The following ADCY2 variants were observed in gnomAD, a reference collection of about 807,000 sequenced individuals.
The protein encoded by ADCY2 is adenylate cyclase 2.
ADCY2 carries 31 observed loss-of-function variants against 125.2 expected under a neutral mutation model. The observed-to-expected ratio is 0.25, with a 90% CI of 0.19 to 0.33. ADCY2 has a LOEUF of 0.33. Ranked by LOEUF, ADCY2 falls within the 10% of genes least tolerant of loss-of-function variation. The probability of loss-of-function intolerance (pLI) is 1.00; values close to 1 mark genes in which losing one functional copy is unlikely to be tolerated. For missense variants in ADCY2, 904 were observed against 1,418.2 expected, an observed-to-expected ratio of 0.64 and a Z score of 5.82; for synonymous variants, 512 against 548.4, an observed-to-expected ratio of 0.93 and a Z score of 0.93.
Position 7,698,240 on chromosome 5 carries a change from C to G in ADCY2, c.982-7C>G, listed in dbSNP as rs900050321. The G allele has an allele frequency of 1.9e-5, 30 of 1,613,718 alleles. No individual in the cohort carries two copies. Among genetic ancestry groups the G allele is most frequent in the Non-Finnish European group, 2.5e-5 (29 of 1,179,896 alleles). ...TGCAACTGAAATTCTGTAATTTATTCTTCCAGGAGAATGAATGCATGAGAA... is the reference window on the plus strand; with the variant it reads ...TGCAACTGAAATTCTGTAATTTATTGTTCCAGGAGAATGAATGCATGAGAA... On this transcript the variant is annotated splice_polypyrimidine_tract_variant and splice_region_variant and intron_variant, in intron 6 of 24. Transcript: ENST00000338316.
intron 3 of ADCY2, among the ~76,000 whole-genome samples, chr5:7,563,135 A>T (rs981224413): frequency 1.3e-5 from 2 of 152,158 alleles, no homozygotes; most frequent in African/African-American, 4.8e-5. Context: ...ATTTATTTTT[A>T]AGAAAGTAGA....
chr5:7,626,992 G>A (rs1290992938), intron 4 of ADCY2, among the ~76,000 whole-genome samples: 1 of 152,200 alleles, frequency 6.6e-6, no homozygotes, highest in African/African-American at 2.4e-5. Context: ...TCAACAAGTG[G>A]CTGGGGAAGT....
intron 2 of ADCY2, among the ~76,000 whole-genome samples, chr5:7,460,696 T>A (rs886564252): frequency 2.6e-5 from 4 of 152,156 alleles, no homozygotes. Context: ...TGTCTTAATT[T>A]TTTTTTTGTG....
At chr5:7,704,696 G>A (rs929755948) in intron 7 of ADCY2, among the ~76,000 whole-genome samples, 1 of 152,036 alleles carries the variant, frequency 6.6e-6, no homozygotes, top group African/African-American at 2.4e-5. Context: ...TAGCTGACAC[G>A]CTGAAACCCC....
At chr5:7,561,018 G>C (rs112851032) in intron 3 of ADCY2, among the ~76,000 whole-genome samples, 1 of 152,116 alleles carries the variant, frequency 6.6e-6, no homozygotes, top group Non-Finnish European at 1.5e-5. Flanking sequence ...AAATATGTTC[G>C]TAGTTTGTTT....
chr5:7,620,791 T>TTA (rs1293949850), intron 3 of ADCY2, among the ~76,000 whole-genome samples: 10 of 152,224 alleles, frequency 6.6e-5, no homozygotes. Context: ...TTCCTTTGAC[T>TTA]TATAATTGGT....
intron 2 of ADCY2, among the ~76,000 whole-genome samples, chr5:7,502,548 G>A (rs1412327113): frequency 1.3e-5 from 2 of 152,228 alleles, no homozygotes; most frequent in East Asian, 1.9e-4. Flanking sequence ...TCTTGGCCCT[G>A]ATGGCCGATG....
chr5:7,570,308 A>G (rs1169619992), intron 3 of ADCY2, among the ~76,000 whole-genome samples: 1 of 152,168 alleles, frequency 6.6e-6, no homozygotes, highest in Non-Finnish European at 1.5e-5. Flanking sequence ...TATCATCATG[A>G]GAAACTTAAA....
chr5:7,650,707 G>GAA (rs758042770), intron 4 of ADCY2, among the ~76,000 whole-genome samples: 4 of 152,146 alleles, frequency 2.6e-5, no homozygotes, highest in Non-Finnish European at 5.9e-5. Context: ...GACAGAGTGT[G>GAA]AACTGTGATT....
At chr5:7,730,584 C>T (rs754911388) in intron 14 of ADCY2, among the ~76,000 whole-genome samples, 5 of 152,036 alleles carry the variant, frequency 3.3e-5, no homozygotes, top group Non-Finnish European at 7.4e-5. Flanking sequence ...GTAACAATAG[C>T]TGCCTTTTTT....
chr5:7,801,043 G>C (rs1347688400), intron 20 of ADCY2: 2 of 151,964 alleles, frequency 1.3e-5, no homozygotes, highest in African/African-American at 4.9e-5. Flanking sequence ...CTGGTCCTGA[G>C]AACCAGAAAA....
intron 16 of ADCY2, among the ~76,000 whole-genome samples, chr5:7,760,112 G>T (rs927372136): frequency 6.6e-6 from 1 of 152,262 alleles, no homozygotes; most frequent in East Asian, 1.9e-4. Context: ...GATACTGCAA[G>T]GATGTGAAGA....
intron 3 of ADCY2, among the ~76,000 whole-genome samples, chr5:7,581,023 A>T (rs972289333): frequency 1.3e-5 from 2 of 152,222 alleles, no homozygotes; most frequent in African/African-American, 4.8e-5. Context: ...AATGAACAGT[A>T]ACTAAGAGCA....
intron 4 of ADCY2, among the ~76,000 whole-genome samples, chr5:7,656,580 G>A (rs1190615146): frequency 4.6e-5 from 7 of 152,214 alleles, no homozygotes; most frequent in African/African-American, 1.7e-4. Flanking sequence ...GGGGCCCTGA[G>A]GGCCTTCCTC....
At chr5:7,773,449 G>T (rs1743620294) in intron 18 of ADCY2, among the ~76,000 whole-genome samples, 1 of 152,086 alleles carries the variant, frequency 6.6e-6, no homozygotes, top group Admixed American at 6.6e-5. Context: ...TGCGTGGTAG[G>T]TAGGGTGTTT....
intron 2 of ADCY2, among the ~76,000 whole-genome samples, chr5:7,493,389 CA>C (rs761619607): frequency 7.9e-5 from 12 of 151,268 alleles, no homozygotes; most frequent in Non-Finnish European, 1.5e-4. Flanking sequence ...AAGAAGAGGA[CA>C]GGGGAGTGAA....
chr5:7,600,230 C>T (rs2126634554), intron 3 of ADCY2, among the ~76,000 whole-genome samples: 1 of 152,234 alleles, frequency 6.6e-6, no homozygotes, highest in Middle Eastern at 3.4e-3. Context: ...ATGCAAGCAT[C>T]CCCCTCAGTG....
intron 2 of ADCY2, among the ~76,000 whole-genome samples, chr5:7,485,488 G>T (rs137990434): frequency 5.8e-4 from 89 of 152,200 alleles, no homozygotes; most frequent in African/African-American, 2.1e-3. Context: ...TTTCAAAACA[G>T]AAAGAATTAT....
intron 4 of ADCY2, among the ~76,000 whole-genome samples, chr5:7,673,086 G>A (rs1739987854): frequency 6.6e-6 from 1 of 150,940 alleles, no homozygotes; most frequent in South Asian, 2.1e-4. Flanking sequence ...TTCATCACAT[G>A]CTTAAGCAAA....
Sources: allele counts gnomAD v4.1 joint callset (sites outside exome capture counted in the v4.1 genomes callset), GRCh38; gene constraint gnomAD v4.1.1; transcripts MANE v1.5; gene names NCBI Gene and HGNC (gene_info 2026-07-23, HGNC 2026-07-21).